The following APOC4 variants were observed in gnomAD, a reference collection of about 807,000 sequenced individuals.
APOC4 encodes apolipoprotein C-IV.
APOC4 carries 10 observed loss-of-function variants against 8.4 expected under a neutral mutation model. The observed-to-expected ratio is 1.19, with a 90% CI of 0.74 to 2.03. APOC4 has a LOEUF of 2.03. Among genes scored for constraint, APOC4 ranks in the 30% most tolerant of loss-of-function variants. APOC4 has a pLI of 0.00. For synonymous variants in APOC4, 59 were observed against 65.8 expected (o/e 0.90, Z 0.50); for missense variants, 160 against 156.1 (o/e 1.02, Z -0.13).
chr19:44,944,733 C>T lies in APOC4; in HGVS notation c.77-16C>T, dbSNP rs1238264976. Reference sequence around the variant, plus strand: ...AGGGTCCCAGCCTACCCAAGTTGCCCTCTGGTTCCACCTAGCATGCCAGCC... The same window carrying T: ...AGGGTCCCAGCCTACCCAAGTTGCCTTCTGGTTCCACCTAGCATGCCAGCC... On this transcript the variant is annotated splice_polypyrimidine_tract_variant and intron_variant, in intron 1 of 2. Transcript: ENST00000592954. 3.1e-6 allele frequency: 5 copies of T among 1,605,934 alleles called. No individual in the cohort carries two copies. In the Admixed American group the frequency reaches 6.8e-5, roughly 22 times the overall value.
rs573619009 is a variant in APOC4, at chr19:44,944,700, G to T, written c.77-49G>T. 4.9e-4 allele frequency: 773 copies of T among 1,565,330 alleles called. 8 individuals carry two copies. The South Asian group carries it at 8.1e-3, about 16-fold the overall frequency. ...ATGAGCATGGAGGGAAAGGGAGAAGGGGATTCTAGGGTCCCAGCCTACCCA... is the reference window on the plus strand; with the variant it reads ...ATGAGCATGGAGGGAAAGGGAGAAGTGGATTCTAGGGTCCCAGCCTACCCA... On this transcript the variant is annotated intron_variant, in intron 1 of 2. Transcript: ENST00000592954.
Position 44,942,266 on chromosome 19 carries a change from G to A in APOC4, c.-12G>A, listed in dbSNP as rs1344838920. 1.2e-6 allele frequency: 2 copies of A among 1,606,734 alleles called. No individual in the cohort carries two copies. Among genetic ancestry groups the A allele is most frequent in the Middle Eastern group, 1.7e-4 (1 of 6,012 alleles). On this transcript the variant is annotated 5_prime_UTR_variant, in exon 1 of 3. Coordinates refer to ENST00000592954, the MANE Select transcript of APOC4 (RefSeq NM_001646.3). ...TTGAGCACAGAGGGACAGAGGCACG[G>A]AACCCCCAGAAATGTCCCTCCTCAG...
intron 1 of APOC4, among the ~76,000 whole-genome samples, chr19:44,944,284 A>G (rs1970291670): frequency 1.3e-5 from 2 of 152,138 alleles, no homozygotes; most frequent in Non-Finnish European, 2.9e-5. Context: ...CTGTAATCCC[A>G]GCATTTTGGG....
chr19:44,943,127 TAGCC>T (rs1302303248), intron 1 of APOC4, among the ~76,000 whole-genome samples: 2 of 152,094 alleles, frequency 1.3e-5, no homozygotes, highest in Non-Finnish European at 2.9e-5. Context: ...TTCGCCGTGT[TAGCC>T]AGGATGGTCT....
intron 1 of APOC4, among the ~76,000 whole-genome samples, chr19:44,943,620 G>A (rs1040895974): frequency 5.7e-4 from 87 of 151,942 alleles, no homozygotes; most frequent in African/African-American, 1.9e-3. Context: ...CCAGCTACTC[G>A]GGAGGCTGAG....
In APOC4 at chr19:44,945,360, C is replaced by A. The variant is rs894991409; in HGVS notation, c.*55C>A. 1.6e-5 allele frequency: 25 copies of A among 1,559,132 alleles called. No individual in the cohort carries two copies. Among genetic ancestry groups the A allele is most frequent in the Non-Finnish European group, 2.2e-5 (25 of 1,153,896 alleles). ...GCGGGTGCCTGTAGTCCCAGCTACT[C>A]AGGAGGCTGAGGTAGGATGATGGCT... On this transcript the variant is annotated 3_prime_UTR_variant, in exon 3 of 3. Transcript: ENST00000592954.
At chr19:44,944,211 G>T (rs976833658) in intron 1 of APOC4, among the ~76,000 whole-genome samples, 1 of 152,124 alleles carries the variant, frequency 6.6e-6, no homozygotes, top group Non-Finnish European at 1.5e-5. Context: ...GGCAGACAGG[G>T]TGACAGGAGG....
chr19:44,944,061 T>C (rs1014258575), intron 1 of APOC4, among the ~76,000 whole-genome samples: 2 of 152,190 alleles, frequency 1.3e-5, no homozygotes, highest in Admixed American at 6.5e-5. Context: ...CTCCCTCCAC[T>C]GTCCACAGAG....
Position 44,944,884 on chromosome 19 carries a change from G to A in APOC4, c.212G>A (p.Trp71Ter). 1 of 1,604,840 alleles carries A rather than the reference G, an allele frequency of 6.2e-7. No individual in the cohort carries two copies. The highest frequency in any genetic ancestry group is 8.5e-7 in the Non-Finnish European group (1 of 1,176,578). ...AACAGGACCAGAGACGGGTGGCAAT[G>A]GTTCTGGTGAGGGTGTGCTGGGCTG... ...VVNRTRDGWQ[W>*]FWSPSTFRGF... Residue 71 changes from tryptophan (W) to a stop codon, truncating the protein, a stop_gained, in exon 2 of 3, where the codon TGG (tryptophan) becomes TAG (stop). Coordinates refer to ENST00000592954, the MANE Select transcript of APOC4 (RefSeq NM_001646.3). LOFTEE classifies it low-confidence loss of function (END_TRUNC).
rs368368908 is a variant in APOC4 at position 44,945,450 on chromosome 19, G to GA, written c.*155dup. 6,230 of 672,286 alleles carry GA rather than the reference G, an allele frequency of 9.3e-3. 1 individual carries two copies. The highest frequency in any genetic ancestry group is 0.014 in the South Asian group (606 of 42,146). The allele number at this position is 672,286 out of a possible 1,614,324, so 41.6% of individuals were successfully genotyped here. A position where few individuals can be genotyped will look rare whatever the true frequency, so the allele number is the denominator to read the frequency against. ...AGATCTCTTGGGGGTAAAACAAAAA[G>GA]AAAAAAAAAAGTTCATACTTCTCCA... On this transcript the variant is annotated 3_prime_UTR_variant, in exon 3 of 3. Coordinates refer to ENST00000592954, the MANE Select transcript of APOC4 (RefSeq NM_001646.3).
intron 1 of APOC4, among the ~76,000 whole-genome samples, chr19:44,942,852 C>T (rs1390380905): frequency 6.6e-6 from 1 of 151,420 alleles, no homozygotes; most frequent in Non-Finnish European, 1.5e-5. Flanking sequence ...CATCCGCCTA[C>T]CCGTTTCAAG....
Position 44,942,320 on chromosome 19 carries a change from T to G in APOC4, c.43T>G (p.Cys15Gly), listed in dbSNP as rs1970267360. The G allele has an allele frequency of 2.5e-6, 4 of 1,613,752 alleles. No homozygotes were observed. The highest frequency in any genetic ancestry group is 3.4e-6 in the Non-Finnish European group (4 of 1,179,860). Residue 15 changes from cysteine to glycine, a missense_variant, in exon 1 of 3, where the codon TGC becomes GGC. Cys to Gly is a radical substitution (Grantham distance 159). Transcript: ENST00000592954. ...RNRLQALPAL[C>G]LCVLVLACIG... ...CAGGCTCCAGGCCCTGCCTGCCCTG[T>G]GCCTCTGCGTGCTGGTCCTGGCCTG...
chr19:44,943,769 G>T lies in APOC4; in HGVS notation c.77-980G>T, dbSNP rs546555563. Among the ~76,000 whole-genome samples, 26 of 152,160 alleles carry T rather than the reference G, an allele frequency of 1.7e-4. 1 individual carries two copies. The South Asian group carries it at 5.4e-3, about 32-fold the overall frequency. On this transcript the variant is annotated intron_variant, in intron 1 of 2. Coordinates refer to ENST00000592954, the MANE Select transcript of APOC4 (RefSeq NM_001646.3). The stretch of plus-strand genomic sequence containing the variant: ...AACACGTATGTAGACAATGTGCAAG[G>T]CACCATTCCATGTGCATCGTATGTA...
rs757860005 is a variant in APOC4 at position 44,945,293 on chromosome 19, G to A, written c.372G>A (p.Lys124=). 7 of 1,613,330 alleles carry A rather than the reference G, an allele frequency of 4.3e-6. No homozygotes were observed. The highest frequency in any genetic ancestry group is 4.0e-5 in the African/African-American group (3 of 74,880). The part of the protein sequence containing the change: ...SLCPRLVCGD[K]DQG ...GCCCCAGGCTTGTCTGTGGGGACAAGGACCAGGGTTAAAATGTTCATAAAA... is the reference window on the plus strand; with the variant it reads ...GCCCCAGGCTTGTCTGTGGGGACAAAGACCAGGGTTAAAATGTTCATAAAA... The change falls in exon 3 of 3, where the codon AAG becomes AAA. Residue 124 remains lysine (K), a synonymous_variant. Coordinates refer to ENST00000592954, the MANE Select transcript of APOC4 (RefSeq NM_001646.3).
chr19:44,944,345 G>C (rs1358003176), intron 1 of APOC4, among the ~76,000 whole-genome samples: 2 of 151,956 alleles, frequency 1.3e-5, no homozygotes, highest in African/African-American at 2.4e-5. Context: ...GCCCCAACAT[G>C]GCAAAACCCC....
rs147674610 is a variant in APOC4 at position 44,944,847 on chromosome 19, G to A, written c.175G>A (p.Glu59Lys). 1.9e-6 allele frequency: 3 copies of A among 1,608,658 alleles called. No individual in the cohort carries two copies. Residue 59 changes from glutamate to lysine, a missense_variant, in exon 2 of 3, where the codon GAG becomes AAG. Transcript: ENST00000592954. ...LVRGRMKELL[E>K]TVVNRTRDGW... ...GAGGGGCAGGATGAAGGAGCTGCTGGAGACAGTGGTGAACAGGACCAGAGA... is the reference window on the plus strand; with the variant it reads ...GAGGGGCAGGATGAAGGAGCTGCTGAAGACAGTGGTGAACAGGACCAGAGA...
In APOC4 at chr19:44,942,983, G is replaced by A. The variant is rs12721102; in HGVS notation, c.76+630G>A. ...GTTACCCAGGCTGGAGTGCAGTGGC[G>A]TGATCTTGGCTCACTGCAACGTCCG... On this transcript the variant is annotated intron_variant, in intron 1 of 2. Transcript: ENST00000592954. Among the ~76,000 whole-genome samples, 227 of 151,738 alleles carry A rather than the reference G, an allele frequency of 1.5e-3. 1 individual carries two copies. Among genetic ancestry groups the A allele is most frequent in the African/African-American group, 5.3e-3 (220 of 41,368 alleles).
In APOC4 at chr19:44,945,295, A is replaced by T; in HGVS notation, c.374A>T (p.Asp125Val). 1 of 1,613,334 alleles carries T rather than the reference A, an allele frequency of 6.2e-7. No homozygotes were observed. Residue 125 changes from aspartate to valine, a missense_variant, in exon 3 of 3, where the codon GAC becomes GTC. Physicochemically the swap from Asp to Val is radical, Grantham distance 152. Transcript: ENST00000592954. ...LCPRLVCGDK[D>V]QG ...CCCAGGCTTGTCTGTGGGGACAAGG[A>T]CCAGGGTTAAAATGTTCATAAAAGC...
chr19:44,943,508 G>C (rs1970282790), intron 1 of APOC4, among the ~76,000 whole-genome samples: 1 of 151,880 alleles, frequency 6.6e-6, no homozygotes, highest in African/African-American at 2.4e-5. Flanking sequence ...TGGATCGCAA[G>C]GTCAGGAGAT....
Sources: gnomAD v4.1 joint callset for allele counts (sites outside exome capture counted in the v4.1 genomes callset) on GRCh38, gnomAD v4.1.1 for gene constraint, MANE v1.5 for transcripts, NCBI Gene and HGNC (gene_info 2026-07-23, HGNC 2026-07-21) for gene names.